SOX13: variants seen among roughly 807,000 people sequenced by gnomAD.
SOX13 encodes transcription factor SOX-13.
SOX13 carries 28 observed loss-of-function variants against 71.8 expected under a neutral mutation model. The observed-to-expected ratio is 0.39, with a 90% CI of 0.29 to 0.53. The LOEUF (loss-of-function observed/expected upper bound fraction) is 0.53. SOX13 is among the 20% of genes least tolerant of loss of function. The pLI, the probability that SOX13 is intolerant of heterozygous loss-of-function variation, is 0.70. For missense variants in SOX13, 627 were observed against 810.3 expected (o/e 0.77, Z 2.75); for synonymous variants, 309 against 317.8 (o/e 0.97, Z 0.29).
intron 1 of SOX13, among the ~76,000 whole-genome samples, chr1:204,083,061 G>A (rs1655940730): frequency 6.6e-6 from 1 of 152,166 alleles, no homozygotes; most frequent in South Asian, 2.1e-4. Flanking sequence ...TCTCACCATG[G>A]TGGCACCCTC....
In SOX13 at chr1:204,098,864, C is replaced by T. The variant is rs140526505; in HGVS notation, c.-1-14051C>T. Among the ~76,000 whole-genome samples, 797 of 152,314 alleles carry T rather than the reference C, an allele frequency of 5.2e-3. 5 individuals are homozygous for T. Among genetic ancestry groups the T allele is most frequent in the African/African-American group, 0.018 (744 of 41,556 alleles). ...TGAGTCACCTTGTCTCTGCAAGTGG[C>T]GCAGGCAGGCTCCATTGAGCTCTTC... On this transcript the variant is annotated intron_variant, in intron 1 of 13. Transcript: ENST00000367204.
rs75683671 is a variant in SOX13 at position 204,098,486 on chromosome 1, A to T, written c.-1-14429A>T. 7.9e-5 allele frequency among the ~76,000 whole-genome samples: 12 copies of T among 151,942 alleles called. No individual in the cohort carries two copies. The South Asian group carries it at 1.3e-3, about 16-fold the overall frequency. Reference sequence around the variant, plus strand: ...AGAGCGAGACTCAAAAAAAAAAAAAATTTTGTTGTTGTTGTTGTTGTTGTT... The same window carrying T: ...AGAGCGAGACTCAAAAAAAAAAAAATTTTTGTTGTTGTTGTTGTTGTTGTT... On this transcript the variant is annotated intron_variant, in intron 1 of 13. Coordinates refer to ENST00000367204, the MANE Select transcript of SOX13 (RefSeq NM_005686.3).
chr1:204,125,753 AGT>A, intron 13 of SOX13, 103 bp from the exon 14 acceptor site: 1 of 1,254,966 alleles, frequency 8.0e-7, no homozygotes, highest in Non-Finnish European at 1.1e-6. Context: ...CACAGCCAAG[AGT>A]GTGTGGAGTG....
rs111299562 is a variant in SOX13 at position 204,079,287 on chromosome 1, A to T, written c.-2+5576A>T. 4.7e-3 allele frequency among the ~76,000 whole-genome samples: 712 copies of T among 150,652 alleles called. 5 individuals carry two copies. The highest frequency in any genetic ancestry group is 6.0e-3 in the Non-Finnish European group (408 of 67,606). Reference sequence around the variant, plus strand: ...GGAGCAAGACTCCGTCTCAAAAAACAAACAAACAAAAAAAAGATTTCTGTC... The same window carrying T: ...GGAGCAAGACTCCGTCTCAAAAAACTAACAAACAAAAAAAAGATTTCTGTC... On this transcript the variant is annotated intron_variant, in intron 1 of 13. Coordinates refer to ENST00000367204, the MANE Select transcript of SOX13 (RefSeq NM_005686.3).
intron 1 of SOX13, among the ~76,000 whole-genome samples, chr1:204,111,854 C>G (rs561837234): frequency 6.6e-6 from 1 of 152,206 alleles, no homozygotes; most frequent in East Asian, 1.9e-4. Flanking sequence ...TATTTCCCCC[C>G]GTGTGATAGA....
At chr1:204,115,543 T>A (rs1656673533) in intron 4 of SOX13, among the ~76,000 whole-genome samples, 1 of 135,110 alleles carries the variant, frequency 7.4e-6, no homozygotes, top group African/African-American at 2.7e-5. Context: ...AGGAATAAAC[T>A]GCTGCATCAG....
intron 1 of SOX13, among the ~76,000 whole-genome samples, chr1:204,092,605 G>T (rs941413990): frequency 6.6e-5 from 10 of 152,336 alleles, no homozygotes; most frequent in African/African-American, 2.4e-4. Context: ...ATAGGACCTG[G>T]AGTATAGAAG....
chr1:204,077,027 A>G (rs1655798698), intron 1 of SOX13, among the ~76,000 whole-genome samples: 1 of 152,232 alleles, frequency 6.6e-6, no homozygotes, highest in Admixed American at 6.5e-5. Flanking sequence ...GATAGAAAAC[A>G]TATGTAGGTC....
intron 1 of SOX13, among the ~76,000 whole-genome samples, chr1:204,108,463 A>T (rs1456437022): frequency 2.6e-5 from 4 of 152,180 alleles, no homozygotes; most frequent in Non-Finnish European, 5.9e-5. Context: ...CCAGGGATGG[A>T]TGGTCGTTCA....
At chr1:204,083,502 T>C (rs781559095) in intron 1 of SOX13, among the ~76,000 whole-genome samples, 13 of 152,184 alleles carry the variant, frequency 8.5e-5, no homozygotes, top group Non-Finnish European at 1.8e-4. Flanking sequence ...TCCTTGCCCT[T>C]CGGGATCCGT....
intron 1 of SOX13, among the ~76,000 whole-genome samples, chr1:204,098,855 T>C (rs914330004): frequency 6.6e-6 from 1 of 152,228 alleles, no homozygotes; most frequent in African/African-American, 2.4e-5. Flanking sequence ...ACCTTGTCTC[T>C]GCAAGTGGCG....
intron 12 of SOX13, among the ~76,000 whole-genome samples, chr1:204,124,123 AC>A (rs1186921243): frequency 1.3e-5 from 2 of 152,164 alleles, no homozygotes; most frequent in Admixed American, 6.5e-5. Flanking sequence ...AACAGGAGAG[AC>A]TAGTGTTCCT....
intron 1 of SOX13, among the ~76,000 whole-genome samples, chr1:204,102,080 C>T (rs184878403): frequency 3.3e-5 from 5 of 152,270 alleles, no homozygotes; most frequent in East Asian, 1.9e-4. Context: ...ACCAATGCTG[C>T]GTGTCTCCCA....
chr1:204,115,494 A>ATTT (rs1656671836), intron 4 of SOX13, among the ~76,000 whole-genome samples: 5 of 119,110 alleles, frequency 4.2e-5, no homozygotes, highest in African/African-American at 1.5e-4. Context: ...TTTTTTTTTA[A>ATTT]AAAAAAAAAA....
intron 1 of SOX13, among the ~76,000 whole-genome samples, chr1:204,077,586 A>G (rs1655809797): frequency 6.6e-6 from 1 of 152,240 alleles, no homozygotes; most frequent in Admixed American, 6.5e-5. Flanking sequence ...AAATCAGGAT[A>G]TAAAACTACA....
rs1571596435 is a variant in SOX13 at position 204,123,638 on chromosome 1, C to T, written c.1232-23C>T. On this transcript the variant is annotated intron_variant, in intron 11 of 13. Coordinates refer to ENST00000367204, the MANE Select transcript of SOX13 (RefSeq NM_005686.3). This position sits in a 1 kb window ranked among gnomAD's most constrained non-coding sequence, Gnocchi z 5.0. ...TCCTGACCCCAGACAGGCTGCTTGG[C>T]TGACTTCACTCCTGTCTCCCAGGCT... 1 of 1,609,104 alleles carries T rather than the reference C, an allele frequency of 6.2e-7. No individual in the cohort carries two copies. Among genetic ancestry groups the T allele is most frequent in the Non-Finnish European group, 8.5e-7 (1 of 1,177,618 alleles).
rs537552489 is a variant in SOX13, at chr1:204,084,877, C to T, written c.-2+11166C>T. On this transcript the variant is annotated intron_variant, in intron 1 of 13. Transcript: ENST00000367204. ...GAGAGGTAGGAAATCTGCCTCTGAG[C>T]GAATCCACCAGCCCTGAGGTCTCTG... is the stretch of plus-strand genomic sequence containing the variant. Among the ~76,000 whole-genome samples, 9 of 152,242 alleles carry T rather than the reference C, an allele frequency of 5.9e-5. No homozygotes were observed. In the South Asian group the frequency reaches 6.2e-4, roughly 11 times the overall value.
chr1:204,087,204 G>A (rs1369844257), intron 1 of SOX13, among the ~76,000 whole-genome samples: 2 of 152,238 alleles, frequency 1.3e-5, no homozygotes, highest in South Asian at 2.1e-4. Context: ...TTACAGGCGT[G>A]AGCCACCGCG....
intron 4 of SOX13, among the ~76,000 whole-genome samples, chr1:204,115,152 C>T (rs1234874558): frequency 2.0e-5 from 3 of 151,880 alleles, no homozygotes; most frequent in Admixed American, 1.3e-4. Context: ...AACACAGGCA[C>T]CTGCCACCAA....
Sources: allele counts gnomAD v4.1 joint callset (sites outside exome capture counted in the v4.1 genomes callset), GRCh38; gene constraint gnomAD v4.1.1; non-coding constraint Gnocchi (gnomAD v3.1); transcripts MANE v1.5; gene names NCBI Gene and HGNC (gene_info 2026-07-23, HGNC 2026-07-21).